KCND3: variants seen among roughly 807,000 people sequenced by gnomAD.
KCND3 encodes the protein A-type voltage-gated potassium channel KCND3.
A neutral mutation model predicts 51.1 loss-of-function variants in KCND3; 9 were observed. The ratio of observed to expected loss-of-function variants is 0.18; its 90% CI spans 0.11 to 0.31. KCND3 has a LOEUF of 0.31. Among genes scored for constraint, KCND3 ranks in the 10% least tolerant of loss-of-function variants. The probability of loss-of-function intolerance (pLI) is 1.00; values close to 1 mark genes in which losing one functional copy is unlikely to be tolerated. For missense variants in KCND3, 526 were observed against 903.8 expected, an observed-to-expected ratio of 0.58 and a Z score of 5.36; for synonymous variants, 349 against 368.0, an observed-to-expected ratio of 0.95 and a Z score of 0.59.
chr1:111,945,978 T>G (rs1571885885), intron 2 of KCND3, among the ~76,000 whole-genome samples: 1 of 152,202 alleles, frequency 6.6e-6, no homozygotes, highest in Admixed American at 6.5e-5. Context: ...AAGCTTTAGT[T>G]CCTCATCTGA....
At chr1:111,943,506 G>C (rs1672629684) in intron 2 of KCND3, among the ~76,000 whole-genome samples, 1 of 152,224 alleles carries the variant, frequency 6.6e-6, no homozygotes, top group Non-Finnish European at 1.5e-5. Flanking sequence ...CTTGTCCAAA[G>C]TCACACAGTA....
chr1:111,905,822 A>G (rs992811001), intron 2 of KCND3, among the ~76,000 whole-genome samples: 16 of 152,280 alleles, frequency 1.1e-4, no homozygotes, highest in African/African-American at 3.4e-4. Context: ...AGAATCCTTC[A>G]TGCTGGGGCC....
chr1:111,799,758 A>G (rs1665212175), intron 2 of KCND3, among the ~76,000 whole-genome samples: 1 of 152,250 alleles, frequency 6.6e-6, no homozygotes, highest in Non-Finnish European at 1.5e-5. Context: ...ACACACTGAC[A>G]TGGATGAATA....
intron 2 of KCND3, among the ~76,000 whole-genome samples, chr1:111,818,157 G>A (rs774263932): frequency 1.4e-4 from 21 of 152,100 alleles, no homozygotes; most frequent in Non-Finnish European, 2.9e-4. Flanking sequence ...GTGGTTCTAG[G>A]CAGTGAAGCT....
intron 2 of KCND3, among the ~76,000 whole-genome samples, chr1:111,966,979 A>G (rs1023421201): frequency 6.6e-6 from 1 of 152,000 alleles, no homozygotes; most frequent in Non-Finnish European, 1.5e-5. Flanking sequence ...CATCACTACT[A>G]AAAATACAAA....
At chr1:111,803,470 G>A (rs1048073276) in intron 2 of KCND3, among the ~76,000 whole-genome samples, 1 of 152,176 alleles carries the variant, frequency 6.6e-6, no homozygotes, top group African/African-American at 2.4e-5. Context: ...TAGGGCTGCT[G>A]GTTGTGTGTG....
At chr1:111,850,739 G>T (rs1056618732) in intron 2 of KCND3, among the ~76,000 whole-genome samples, 8 of 152,204 alleles carry the variant, frequency 5.3e-5, no homozygotes, top group Non-Finnish European at 7.3e-5. Context: ...AGTGGCCCTT[G>T]AGCATTCTCA....
chr1:111,929,652 G>C (rs991071904), intron 2 of KCND3, among the ~76,000 whole-genome samples: 8 of 152,346 alleles, frequency 5.3e-5, no homozygotes, highest in African/African-American at 1.9e-4. Context: ...AGTGTGTGAA[G>C]AGGACGCTGC....
At chr1:111,781,400 G>A (rs1296576861) in intron 3 of KCND3, among the ~76,000 whole-genome samples, 1 of 152,146 alleles carries the variant, frequency 6.6e-6, no homozygotes, top group Non-Finnish European at 1.5e-5. Context: ...TTCCTTGAGG[G>A]CAGGAGTTTT....
At chr1:111,852,343 G>C (rs1165075651) in intron 2 of KCND3, among the ~76,000 whole-genome samples, 1 of 152,206 alleles carries the variant, frequency 6.6e-6, no homozygotes, top group East Asian at 1.9e-4. Flanking sequence ...GCCCTCTGTG[G>C]GGCCTGCTCA....
chr1:111,834,530 T>A (rs991570683), intron 2 of KCND3, among the ~76,000 whole-genome samples: 1 of 152,126 alleles, frequency 6.6e-6, no homozygotes, highest in Non-Finnish European at 1.5e-5. Flanking sequence ...TGGAAAGGAG[T>A]TTAGAGATCT....
intron 2 of KCND3, among the ~76,000 whole-genome samples, chr1:111,875,930 T>C (rs991876443): frequency 3.3e-5 from 5 of 152,234 alleles, no homozygotes; most frequent in Non-Finnish European, 5.9e-5. Flanking sequence ...AAATTGTGGC[T>C]GATGGATGGT....
chr1:111,975,639 G>A (rs1432550696), intron 2 of KCND3, among the ~76,000 whole-genome samples: 2 of 152,104 alleles, frequency 1.3e-5, no homozygotes, highest in Non-Finnish European at 2.9e-5. Context: ...AAACCCTCCA[G>A]TGACTTCCCA....
chr1:111,964,716 A>T (rs2101941243), intron 2 of KCND3, among the ~76,000 whole-genome samples: 1 of 152,296 alleles, frequency 6.6e-6, no homozygotes, highest in South Asian at 2.1e-4. Context: ...TGGAGAACAG[A>T]ACTATTTCCT....
intron 2 of KCND3, among the ~76,000 whole-genome samples, chr1:111,947,662 G>A (rs1398085792): frequency 1.3e-5 from 2 of 152,202 alleles, no homozygotes; most frequent in Non-Finnish European, 2.9e-5. Context: ...GCTAAAACAA[G>A]AAGGCATTTT....
chr1:111,873,000 T>C (rs2618034), intron 2 of KCND3, among the ~76,000 whole-genome samples: 28,181 of 152,210 alleles, frequency 0.19, 3,581 homozygotes, highest in East Asian at 0.53. Flanking sequence ...ATTTTATTTT[T>C]GCCTCTGATC....
intron 2 of KCND3, among the ~76,000 whole-genome samples, chr1:111,867,858 A>T (rs639208): frequency 2.0e-4 from 31 of 152,158 alleles, no homozygotes; most frequent in African/African-American, 6.3e-4. Context: ...CATAGGTAAG[A>T]GCACAGGCTA....
intron 2 of KCND3, among the ~76,000 whole-genome samples, chr1:111,950,839 C>G (rs1673025666): frequency 6.6e-6 from 1 of 152,088 alleles, no homozygotes; most frequent in South Asian, 2.1e-4. Flanking sequence ...GGCAGGATGC[C>G]CTGTGATAGA....
intron 2 of KCND3, among the ~76,000 whole-genome samples, chr1:111,974,965 C>A (rs1377752361): frequency 6.6e-6 from 1 of 152,232 alleles, no homozygotes; most frequent in Non-Finnish European, 1.5e-5. Flanking sequence ...AGGCTCAAAT[C>A]CTATGGTGTG....
Sources: allele counts gnomAD v4.1 joint callset (sites outside exome capture counted in the v4.1 genomes callset), GRCh38; gene constraint gnomAD v4.1.1; transcripts MANE v1.5; gene names NCBI Gene and HGNC (gene_info 2026-07-23, HGNC 2026-07-21).